The following SGF29 variants were observed in gnomAD, a reference collection of about 807,000 sequenced individuals.
SGF29 encodes SAGA complex associated factor 29, also known as SAGA-associated factor 29.
A neutral mutation model predicts 38.1 loss-of-function variants in SGF29; 15 were observed. The ratio of observed to expected loss-of-function variants is 0.39; its 90% CI spans 0.26 to 0.61. The LOEUF (loss-of-function observed/expected upper bound fraction) is 0.61. Ranked by LOEUF, SGF29 falls within the 20% of genes least tolerant of loss-of-function variation. SGF29 has a pLI of 0.49. For synonymous variants in SGF29, 151 were observed against 160.8 expected (o/e 0.94, Z 0.46); for missense variants, 184 against 394.6 (o/e 0.47, Z 4.52).
chr16:28,561,827 C>T (rs534617366), intron 1 of SGF29, among the ~76,000 whole-genome samples: 3 of 152,246 alleles, frequency 2.0e-5, no homozygotes, highest in Admixed American at 6.5e-5. Flanking sequence ...TCTGGCCTTC[C>T]AATTCATTAT....
chr16:28,586,506 CAAA>C (rs375050108), intron 4 of SGF29, among the ~76,000 whole-genome samples: 3 of 92,508 alleles, frequency 3.2e-5, no homozygotes, highest in Non-Finnish European at 2.2e-5. Flanking sequence ...GGCTCTGCCT[CAAA>C]AAAAAAAAAA....
chr16:28,572,941 C>T (rs2046873448), intron 1 of SGF29, among the ~76,000 whole-genome samples: 1 of 152,118 alleles, frequency 6.6e-6, no homozygotes, highest in Admixed American at 6.6e-5. Context: ...CAGCACCCCC[C>T]ATACCCCTTC....
chr16:28,577,721 A>C (rs1188109334), intron 1 of SGF29, among the ~76,000 whole-genome samples: 2 of 152,142 alleles, frequency 1.3e-5, no homozygotes, highest in African/African-American at 4.8e-5. Context: ...ATGGCTAATG[A>C]TACGGAGCAT....
In SGF29 at chr16:28,590,862, A is replaced by G. The variant is rs773897648; in HGVS notation, c.692A>G (p.Glu231Gly). The stretch of plus-strand genomic sequence containing the variant: ...GACCCTGAGGCCTTGTTCCAGAAGG[A>G]GCAGCTCGTGCTGGCCCTGTATCCC... The part of the protein sequence containing the change: ...ETDPEALFQK[E>G]QLVLALYPQT... The change falls in exon 9 of 10, where the codon GAG becomes GGG. Residue 231 changes from glutamate to glycine, a missense_variant. By Grantham distance (98) the Glu-to-Gly change is moderately conservative. Transcript: ENST00000317058. This position sits in a 1 kb window ranked among gnomAD's most constrained non-coding sequence, Gnocchi z 8.2. 5 of 1,613,944 alleles carry G rather than the reference A, an allele frequency of 3.1e-6. No homozygotes were observed. Among genetic ancestry groups the G allele is most frequent in the Non-Finnish European group, 3.4e-6 (4 of 1,179,942 alleles).
At chr16:28,562,236 C>T (rs2046794685) in intron 1 of SGF29, among the ~76,000 whole-genome samples, 1 of 152,174 alleles carries the variant, frequency 6.6e-6, no homozygotes, top group African/African-American at 2.4e-5. Context: ...ATGCTCTGGG[C>T]CGGCCACTGC....
chr16:28,563,887 C>T (rs1488294298), intron 1 of SGF29, among the ~76,000 whole-genome samples: 5 of 151,922 alleles, frequency 3.3e-5, no homozygotes, highest in Non-Finnish European at 5.9e-5. Context: ...GCTGGGACTA[C>T]AGGCGCACAC....
intron 1 of SGF29, among the ~76,000 whole-genome samples, chr16:28,560,103 G>A (rs1055074277): frequency 2.6e-5 from 4 of 151,646 alleles, no homozygotes; most frequent in Admixed American, 6.6e-5. Context: ...TTAGCTAGGC[G>A]TGGTGGTACA....
chr16:28,585,053 G>C, intron 3 of SGF29, 65 bp downstream of exon 3: 2 of 1,221,298 alleles, frequency 1.6e-6, no homozygotes, highest in Non-Finnish European at 1.2e-6. Context: ...GGCCAAGACT[G>C]TGACCGAGGT....
At chr16:28,572,425 C>A (rs147177457) in intron 1 of SGF29, among the ~76,000 whole-genome samples, 1 of 152,302 alleles carries the variant, frequency 6.6e-6, no homozygotes, top group Non-Finnish European at 1.5e-5. Flanking sequence ...CCGGCCACCA[C>A]GCCTGGCTAA....
chr16:28,579,457 C>T (rs2046913362), intron 1 of SGF29, among the ~76,000 whole-genome samples: 1 of 150,704 alleles, frequency 6.6e-6, no homozygotes, highest in Admixed American at 6.6e-5. Context: ...AAGGTTTCAC[C>T]ATGTTGGCCA....
chr16:28,591,203 G>A (rs2151656057), intron 9 of SGF29, among the ~76,000 whole-genome samples: 1 of 152,236 alleles, frequency 6.6e-6, no homozygotes, highest in South Asian at 2.1e-4. Context: ...CCTGAGCCCT[G>A]GGCTCCTACC....
At chr16:28,561,829 A>G (rs1476767913) in intron 1 of SGF29, among the ~76,000 whole-genome samples, 1 of 152,086 alleles carries the variant, frequency 6.6e-6, no homozygotes, top group Admixed American at 6.6e-5. Flanking sequence ...TGGCCTTCCA[A>G]TTCATTATGG....
chr16:28,589,286 C>T, intron 5 of SGF29, 122 bp downstream of exon 5: 1 of 930,746 alleles, frequency 1.1e-6, no homozygotes, highest in Admixed American at 2.1e-5. Context: ...CCCATGGAGG[C>T]TCTGGCAGAC....
intron 1 of SGF29, among the ~76,000 whole-genome samples, chr16:28,555,004 G>A (rs1339320450): frequency 1.3e-5 from 2 of 152,090 alleles, no homozygotes; most frequent in African/African-American, 4.8e-5. Flanking sequence ...TCACATTTTT[G>A]TTTTTATTAG....
intron 4 of SGF29, 92 bp from the exon 5 acceptor site, chr16:28,589,008 A>C: frequency 7.3e-7 from 1 of 1,365,658 alleles, no homozygotes. Context: ...CAGCCTGGGC[A>C]ATGTAGCTTG....
At chr16:28,565,240 T>C (rs987659594) in intron 1 of SGF29, among the ~76,000 whole-genome samples, 2 of 152,106 alleles carry the variant, frequency 1.3e-5, no homozygotes, top group African/African-American at 4.8e-5. Context: ...CTGACAAATG[T>C]CAGCCTCTTC....
intron 1 of SGF29, among the ~76,000 whole-genome samples, chr16:28,566,228 C>T (rs1046160390): frequency 1.3e-5 from 2 of 150,082 alleles, no homozygotes; most frequent in Non-Finnish European, 1.5e-5. Context: ...GAGCCAAGAT[C>T]GCGCCACTGC....
rs1433490183 is a variant in SGF29, at chr16:28,564,729, ATATATATGTATATATGTATATATATG to A, written c.-16+10648_-16+10673del. Among the ~76,000 whole-genome samples, 12 of 5,202 alleles carry A rather than the reference ATATATATGTATATATGTATATATATG, an allele frequency of 2.3e-3. No homozygotes were observed. The South Asian group carries it at 0.04, about 17-fold the overall frequency. The allele number at this position is 5,202 out of a possible 152,430, so 3.4% of individuals were successfully genotyped here. On this transcript the variant is annotated intron_variant, in intron 1 of 9. Coordinates refer to ENST00000317058, the MANE Select transcript of SGF29 (RefSeq NM_138414.3). ...TATACATATATATGTATATATATACATATATATGTATATATGTATATATATGTATATATGTATATATATGTATATAT... is the reference window on the plus strand; with the variant it reads ...TATACATATATATGTATATATATACATATATATGTATATATATGTATATAT...
At chr16:28,558,662 C>T (rs1202599695) in intron 1 of SGF29, among the ~76,000 whole-genome samples, 2 of 152,136 alleles carry the variant, frequency 1.3e-5, no homozygotes, top group African/African-American at 2.4e-5. Context: ...ACAAATTCTT[C>T]AACAGATGAG....
Sources: gnomAD v4.1 joint callset for allele counts (sites outside exome capture counted in the v4.1 genomes callset) on GRCh38, gnomAD v4.1.1 for gene constraint, Gnocchi (gnomAD v3.1) non-coding constraint, MANE v1.5 for transcripts, NCBI Gene and HGNC (gene_info 2026-07-23, HGNC 2026-07-21) for gene names.